Variants in DMD observed in about 807,000 individuals in gnomAD.
DMD encodes mutant dystrophin.
Under a neutral mutation model 330.1 loss-of-function variants are expected in DMD, and 63 were observed. The observed-to-expected ratio is 0.19, with a 90% CI of 0.16 to 0.24. DMD has a LOEUF of 0.24. Among genes scored for constraint, DMD ranks in the 10% least tolerant of loss-of-function variants. The pLI is 1.00. For missense variants in DMD, 3,344 were observed against 2,684.1 expected (o/e 1.25, Z -5.43); for synonymous variants, 1,223 against 959.8 (o/e 1.27, Z -5.07).
chrX:32,506,419 C>CG (rs1416773810), intron 18 of DMD, among the ~76,000 whole-genome samples: 1 of 44,262 alleles, frequency 2.3e-5, no homozygotes. Flanking sequence ...GTACAAAATG[C>CG]TAAAAAAAAA....
At chrX:31,146,232 T>G (rs763355870) in intron 76 of DMD, 59 bp downstream of exon 76, 1 of 1,168,929 alleles carries the variant, frequency 8.6e-7, no homozygotes, top group African/African-American at 1.8e-5. Context: ...TTCATGTCCC[T>G]GTAATACGAC....
chrX:32,358,403 G>C (rs1032397357), intron 37 of DMD, among the ~76,000 whole-genome samples: 1 of 111,281 alleles, frequency 9.0e-6, no homozygotes, highest in Admixed American at 9.6e-5. Context: ...TTGAGACAAG[G>C]AGTCTCTCCT....
intron 1 of DMD, among the ~76,000 whole-genome samples, chrX:33,308,318 G>C (rs1359463143): frequency 4.5e-5 from 5 of 112,298 alleles, no homozygotes; most frequent in Non-Finnish European, 9.4e-5. Flanking sequence ...TCCCAAGAAA[G>C]ATTGCATTCC....
chrX:32,165,138 G>A (rs2096863639), intron 44 of DMD, among the ~76,000 whole-genome samples: 1 of 112,291 alleles, frequency 8.9e-6, no homozygotes, highest in Admixed American at 9.4e-5. Context: ...TCCCCACTGG[G>A]GCACTGCCTA....
rs10564725 is a variant in DMD, at chrX:32,846,723, TAAAAA to T, written c.187-1868_187-1864del. 1.5e-4 allele frequency among the ~76,000 whole-genome samples: 8 copies of T among 53,583 alleles called. No individual in the cohort carries two copies. The South Asian group carries it at 5.2e-3, about 35-fold the overall frequency. The allele number at this position is 53,583 out of a possible 115,157, so 46.5% of individuals were successfully genotyped here. The stretch of plus-strand genomic sequence containing the variant: ...GAGGAAAAAAATAAGACTTTAGATT[TAAAAA>T]AAAAAAAAAAAAAAAAAAAGCAACA... On this transcript the variant is annotated intron_variant, in intron 3 of 78. Coordinates refer to ENST00000357033, the MANE Select transcript of DMD (RefSeq NM_004006.3).
chrX:32,894,845 CAG>C (rs1035467846), intron 2 of DMD, among the ~76,000 whole-genome samples: 8 of 112,408 alleles, frequency 7.1e-5, no homozygotes, highest in Non-Finnish European at 1.1e-4. Context: ...GGTGTTTTTA[CAG>C]AGTCAGATGT....
At chrX:32,083,272 C>CTTTTT (rs56029341) in intron 44 of DMD, among the ~76,000 whole-genome samples, 2 of 102,981 alleles carry the variant, frequency 1.9e-5, no homozygotes, top group Non-Finnish European at 2.0e-5. Flanking sequence ...AATAAAAAAT[C>CTTTTT]TTTTTTTTTT....
At chrX:31,518,406 T>C (rs1420241348) in intron 55 of DMD, among the ~76,000 whole-genome samples, 1 of 111,805 alleles carries the variant, frequency 8.9e-6, no homozygotes, top group African/African-American at 3.3e-5. Flanking sequence ...GAGCATTTCC[T>C]GCATGAGACA....
At chrX:32,082,391 GCTATCTATCTATCTATCTATCTAT>G (rs74475298) in intron 44 of DMD, among the ~76,000 whole-genome samples, 2 of 95,299 alleles carry the variant, frequency 2.1e-5, no homozygotes, top group African/African-American at 3.9e-5. Context: ...ACCTCGCCCG[GCTATCTATCTATCTATCTATCTAT>G]CTATCTATCT....
chrX:31,658,237 A>G, intron 53 of DMD, 93 bp from the exon 54 acceptor site: 1 of 970,027 alleles, frequency 1.0e-6, no homozygotes, highest in Non-Finnish European at 1.5e-6. Context: ...ACAGCTTCTG[A>G]ATCCTCAGGT....
chrX:32,240,336 C>A (rs1164883118), intron 43 of DMD, among the ~76,000 whole-genome samples: 2 of 111,179 alleles, frequency 1.8e-5, no homozygotes, highest in Non-Finnish European at 3.8e-5. Flanking sequence ...GGTCATAAGG[C>A]CAAAGCCATC....
chrX:32,286,607 C>A (rs5971615), intron 43 of DMD, among the ~76,000 whole-genome samples: 5 of 110,725 alleles, frequency 4.5e-5, no homozygotes, highest in South Asian at 3.8e-4. Context: ...AGCTCTTACA[C>A]TTTAGAAAAA....
intron 44 of DMD, among the ~76,000 whole-genome samples, chrX:32,110,575 C>A (rs1603626004): frequency 9.0e-6 from 1 of 111,499 alleles, no homozygotes; most frequent in East Asian, 2.8e-4. Flanking sequence ...TAGACTCTAA[C>A]TGGAGAAGAG....
At chrX:31,227,712 T>C (rs949986166) in intron 63 of DMD, among the ~76,000 whole-genome samples, 5 of 111,294 alleles carry the variant, frequency 4.5e-5, no homozygotes, top group Admixed American at 9.5e-5. Context: ...TTTCACGATA[T>C]TGATTCTTCC....
At chrX:31,778,713 G>A (rs1488705830) in intron 50 of DMD, among the ~76,000 whole-genome samples, 1 of 109,042 alleles carries the variant, frequency 9.2e-6, no homozygotes, top group African/African-American at 3.4e-5. Context: ...TGGGACTACA[G>A]GCATTTGCCA....
At chrX:31,189,082 T>G (rs912974043) in intron 67 of DMD, among the ~76,000 whole-genome samples, 15 of 111,547 alleles carry the variant, frequency 1.3e-4, no homozygotes, top group Non-Finnish European at 1.9e-5. Context: ...TGCCAGGAGG[T>G]CCACCTGAAT....
At chrX:31,661,783 C>G (rs6527109) in intron 53 of DMD, among the ~76,000 whole-genome samples, 13,486 of 110,809 alleles carry the variant, frequency 0.12, 652 homozygotes, top group Admixed American at 0.21. Flanking sequence ...AATGCTAAAT[C>G]CCCAAAAGAT....
At chrX:32,062,231 T>G (rs1005686246) in intron 44 of DMD, among the ~76,000 whole-genome samples, 10 of 110,715 alleles carry the variant, frequency 9.0e-5, no homozygotes, top group Middle Eastern at 4.2e-3. Context: ...TTATGCACCC[T>G]CCATGAAAGA....
chrX:31,824,261 AT>A (rs905675061), intron 49 of DMD, among the ~76,000 whole-genome samples: 18 of 108,578 alleles, frequency 1.7e-4, no homozygotes, highest in African/African-American at 6.0e-4. Flanking sequence ...ATGTGGATGG[AT>A]TTTTTTCTTT....
Sources: allele counts gnomAD v4.1 joint callset (sites outside exome capture counted in the v4.1 genomes callset), GRCh38; gene constraint gnomAD v4.1.1; transcripts MANE v1.5; gene names NCBI Gene and HGNC (gene_info 2026-07-23, HGNC 2026-07-21).